The following BCAS1 variants were observed in gnomAD, a reference collection of about 807,000 sequenced individuals.
The protein encoded by BCAS1 is brain enriched myelin associated protein 1.
In BCAS1, 46 loss-of-function variants were observed where a neutral mutation model predicts 65.4. That is an observed-to-expected ratio of 0.70 (90% CI 0.55 to 0.90). BCAS1 has a LOEUF of 0.90. Ranked by LOEUF, BCAS1 falls within the 40% of genes least tolerant of loss-of-function variation. BCAS1 has a pLI of 0.00. For synonymous variants in BCAS1, 298 were observed against 293.5 expected (o/e 1.02, Z -0.16); for missense variants, 793 against 771.2 (o/e 1.03, Z -0.33).
intron 8 of BCAS1, 25 bp from the exon 9 acceptor site, chr20:53,975,455 G>A: frequency 1.2e-6 from 2 of 1,607,380 alleles, no homozygotes; most frequent in Middle Eastern, 1.7e-4. Flanking sequence ...AAACAAAAGT[G>A]AGAGTTAAAA....
intron 3 of BCAS1, among the ~76,000 whole-genome samples, chr20:54,042,340 A>G (rs1455234758): frequency 6.6e-6 from 1 of 152,138 alleles, no homozygotes; most frequent in Non-Finnish European, 1.5e-5. Context: ...ACAAACCCCC[A>G]TGACATGAGT....
intron 4 of BCAS1, among the ~76,000 whole-genome samples, chr20:54,027,810 A>AG (rs1285295043): frequency 1.3e-5 from 2 of 151,790 alleles, no homozygotes; most frequent in Non-Finnish European, 2.9e-5. Context: ...AAACAAAAAA[A>AG]AAACCCAAAA....
At chr20:53,976,995 G>A (rs1392292450) in intron 8 of BCAS1, among the ~76,000 whole-genome samples, 2 of 152,184 alleles carry the variant, frequency 1.3e-5, no homozygotes, top group African/African-American at 4.8e-5. Context: ...AAAGGAAAGA[G>A]GCATAATGGA....
At chr20:54,064,386 G>A (rs537290662) in intron 1 of BCAS1, among the ~76,000 whole-genome samples, 3 of 152,216 alleles carry the variant, frequency 2.0e-5, no homozygotes, top group Non-Finnish European at 4.4e-5. Flanking sequence ...ATTCTCAGAC[G>A]GAGGAATAGC....
chr20:54,063,822 A>G (rs545748982), intron 1 of BCAS1, among the ~76,000 whole-genome samples: 1 of 152,326 alleles, frequency 6.6e-6, no homozygotes, highest in African/African-American at 2.4e-5. Context: ...AGAAAAATAA[A>G]TCAGATAGAG....
rs1226865285 is a variant in BCAS1 at position 54,017,109 on chromosome 20, G to A, written c.723+11283C>T. ...AAAGCATTGTCTGTTGTTCACATAGGGGGAGGGGGGAAAGAAATCTATCTA... is the reference window on the plus strand; with the variant it reads ...AAAGCATTGTCTGTTGTTCACATAGAGGGAGGGGGGAAAGAAATCTATCTA... On this transcript the variant is annotated intron_variant, in intron 4 of 12. Transcript: ENST00000688948. 2.0e-5 allele frequency among the ~76,000 whole-genome samples: 3 copies of A among 152,112 alleles called. No individual in the cohort carries two copies. In the South Asian group the frequency reaches 6.2e-4, roughly 32 times the overall value.
chr20:54,000,621 T>C (rs932605428), intron 4 of BCAS1, among the ~76,000 whole-genome samples: 2 of 152,234 alleles, frequency 1.3e-5, no homozygotes, highest in African/African-American at 2.4e-5. Flanking sequence ...CTTGAAGTTA[T>C]CCTGTAGCTC....
rs183761836 is a variant in BCAS1, at chr20:54,016,919, C to T, written c.723+11473G>A. ...GTGTGATACTCTCTACTGTAAATCA[C>T]AACATCACTACCTGTTTTACTACCC... On this transcript the variant is annotated intron_variant, in intron 4 of 12. Transcript: ENST00000688948. Among the ~76,000 whole-genome samples, 680 of 152,336 alleles carry T rather than the reference C, an allele frequency of 4.5e-3. 3 individuals are homozygous for T. The highest frequency in any genetic ancestry group is 6.7e-3 in the Non-Finnish European group (455 of 68,030).
At position 53,996,461 on chromosome 20, in the gene BCAS1, T is replaced by TAAAAAAAAAAAAAAAAAAA. The variant is rs143929524; in HGVS notation, c.724-430_724-412dup. Reference sequence around the variant, plus strand: ...TTCCACAGAGTTGGATTATATCAACTAAAAAAAAAAAAAAAAAAAAAGAAA... The same window carrying TAAAAAAAAAAAAAAAAAAA: ...TTCCACAGAGTTGGATTATATCAACTAAAAAAAAAAAAAAAAAAAAAAAAAAAAAAAAAAAAAAAAGAAA... On this transcript the variant is annotated intron_variant, in intron 4 of 12. Coordinates refer to ENST00000688948, the MANE Select transcript of BCAS1 (RefSeq NM_001366298.2). Among the ~76,000 whole-genome samples the TAAAAAAAAAAAAAAAAAAA allele has an allele frequency of 1.6e-4, 15 of 92,046 alleles. 1 individual carries two copies. The highest frequency in any genetic ancestry group is 0.011 in the Middle Eastern group (2 of 176). 60.4% of individuals were successfully genotyped at this position (92,046 alleles called of 152,430 possible).
intron 12 of BCAS1, among the ~76,000 whole-genome samples, chr20:53,948,162 T>C: frequency 6.6e-6 from 1 of 152,164 alleles, no homozygotes; most frequent in Non-Finnish European, 1.5e-5. Context: ...CCGTGGATCC[T>C]GGTTCACCCA....
rs2089742976 is a variant in BCAS1 at position 53,957,634 on chromosome 20, C to T, written c.1486-137G>A. Reference sequence around the variant, plus strand: ...AGACAAATGGAAGGCCAACTGGAAACATGTTACTCATTGGATATAGAGATT... The same window carrying T: ...AGACAAATGGAAGGCCAACTGGAAATATGTTACTCATTGGATATAGAGATT... On this transcript the variant is annotated intron_variant, in intron 10 of 12. Transcript: ENST00000688948. 2.9e-5 allele frequency: 21 copies of T among 726,420 alleles called. No individual in the cohort carries two copies. The South Asian group carries it at 3.5e-4, about 12-fold the overall frequency. 45.0% of individuals were successfully genotyped at this position (726,420 alleles called of 1,614,324 possible).
chr20:53,953,271 A>G (rs1030387975), intron 12 of BCAS1, among the ~76,000 whole-genome samples, 161 bp downstream of exon 12: 2 of 152,204 alleles, frequency 1.3e-5, no homozygotes, highest in Non-Finnish European at 2.9e-5. Flanking sequence ...ATGGAGAAGG[A>G]TTGAACCTGC....
At chr20:54,069,572 C>G (rs2870306) in intron 1 of BCAS1, among the ~76,000 whole-genome samples, 20,721 of 152,220 alleles carry the variant, frequency 0.14, 1,852 homozygotes, top group East Asian at 0.28. Flanking sequence ...CCAGATGCAG[C>G]TCCCTCTTCA....
At chr20:54,047,483 G>T (rs1190316472) in intron 3 of BCAS1, among the ~76,000 whole-genome samples, 1 of 152,186 alleles carries the variant, frequency 6.6e-6, no homozygotes, top group African/African-American at 2.4e-5. Context: ...AGACTTTTTG[G>T]TGAGAAAAAG....
chr20:53,992,442 G>T (rs1040237049), intron 7 of BCAS1, 70 bp downstream of exon 7: 11 of 1,293,500 alleles, frequency 8.5e-6, no homozygotes, highest in Admixed American at 2.1e-5. Flanking sequence ...AGCTGGGTGG[G>T]CTCAGGATGG....
At chr20:54,002,950 C>G (rs2091093710) in intron 4 of BCAS1, among the ~76,000 whole-genome samples, 1 of 152,138 alleles carries the variant, frequency 6.6e-6, no homozygotes, top group Non-Finnish European at 1.5e-5. Context: ...TGAGGACAGG[C>G]ACTGCGTGTG....
chr20:54,026,002 T>A (rs138865909), intron 4 of BCAS1, among the ~76,000 whole-genome samples: 1 of 152,352 alleles, frequency 6.6e-6, no homozygotes, highest in East Asian at 1.9e-4. Flanking sequence ...GGCTATTTCA[T>A]AACTTTTCTG....
chr20:53,954,858 T>G (rs564089398), intron 11 of BCAS1, among the ~76,000 whole-genome samples: 1 of 152,380 alleles, frequency 6.6e-6, no homozygotes, highest in East Asian at 1.9e-4. Context: ...ACAGTTGCTC[T>G]GATCCAGCCA....
At chr20:54,046,357 G>A (rs535865214) in intron 3 of BCAS1, among the ~76,000 whole-genome samples, 4 of 151,790 alleles carry the variant, frequency 2.6e-5, no homozygotes, top group Non-Finnish European at 4.4e-5. Context: ...GTGGAACCCC[G>A]TCTGTACTAA....
Sources: allele counts gnomAD v4.1 joint callset (sites outside exome capture counted in the v4.1 genomes callset), GRCh38; gene constraint gnomAD v4.1.1; transcripts MANE v1.5; gene names NCBI Gene and HGNC (gene_info 2026-07-23, HGNC 2026-07-21).